RALGAPA1: variants seen among roughly 807,000 people sequenced by gnomAD.
The protein encoded by RALGAPA1 is ral GTPase-activating protein subunit alpha-1.
Under a neutral mutation model 269.6 loss-of-function variants are expected in RALGAPA1, and 52 were observed. The observed-to-expected ratio is 0.19, with a 90% CI of 0.15 to 0.24. The LOEUF is 0.24. Ranked by LOEUF, RALGAPA1 falls within the 10% of genes least tolerant of loss-of-function variation. The pLI is 1.00. For synonymous variants in RALGAPA1, 817 were observed against 1,008.3 expected (o/e 0.81, Z 3.60); for missense variants, 1,917 against 3,013.9 (o/e 0.64, Z 8.52).
At chr14:35,679,696 G>A (rs1046228568) in intron 21 of RALGAPA1, among the ~76,000 whole-genome samples, 2 of 151,048 alleles carry the variant, frequency 1.3e-5, no homozygotes, top group Non-Finnish European at 2.9e-5. Context: ...AGTCAAGGAC[G>A]ATCTACATTT....
chr14:35,742,569 G>A lies in RALGAPA1; in HGVS notation c.1252-4C>T. On this transcript the variant is annotated splice_region_variant and splice_polypyrimidine_tract_variant and intron_variant, in intron 10 of 41. Transcript: ENST00000680220. ...CACAAATTGGTAATAAAAATGCCTAGGGAAAAAAAGGAGAATCAAGATAAT... is the reference window on the plus strand; with the variant it reads ...CACAAATTGGTAATAAAAATGCCTAAGGAAAAAAAGGAGAATCAAGATAAT... The A allele has an allele frequency of 6.3e-7, 1 of 1,593,440 alleles. No homozygotes were observed.
chr14:35,713,901 G>A (rs1297357595), intron 16 of RALGAPA1, among the ~76,000 whole-genome samples: 1 of 152,114 alleles, frequency 6.6e-6, no homozygotes, highest in African/African-American at 2.4e-5. Flanking sequence ...TTCGAGACCA[G>A]CCTGGCCAAC....
At chr14:35,743,537 G>C (rs1050531040) in intron 10 of RALGAPA1, among the ~76,000 whole-genome samples, 4 of 151,772 alleles carry the variant, frequency 2.6e-5, no homozygotes, top group Non-Finnish European at 5.9e-5. Flanking sequence ...TATTATTTTA[G>C]GGACAGGGTC....
intron 15 of RALGAPA1, among the ~76,000 whole-genome samples, chr14:35,722,262 CAAAAGTATGA>C (rs2069490212): frequency 6.6e-6 from 1 of 152,100 alleles, no homozygotes; most frequent in Non-Finnish European, 1.5e-5. Flanking sequence ...ATACCCTGGA[CAAAAGTATGA>C]AATGTGACTT....
chr14:35,788,713 CATA>C (rs1290687899), intron 1 of RALGAPA1, among the ~76,000 whole-genome samples: 2 of 152,150 alleles, frequency 1.3e-5, no homozygotes, highest in African/African-American at 4.8e-5. Context: ...TACCCTCTGC[CATA>C]ATGTCATAAA....
At chr14:35,648,633 C>G (rs1211621677) in intron 31 of RALGAPA1, among the ~76,000 whole-genome samples, 1 of 151,826 alleles carries the variant, frequency 6.6e-6, no homozygotes, top group African/African-American at 2.4e-5. Flanking sequence ...AAAACCCCAT[C>G]TCTACTAAAA....
chr14:35,595,685 A>T lies in RALGAPA1; in HGVS notation c.7158T>A (p.Phe2386Leu). ...YFATSTVEVIFHVSTRMPSDS... is the reference protein window; with the variant it reads ...YFATSTVEVILHVSTRMPSDS... ...CAGAAGGCATTCTTGTTGACACGTG[A>T]AATATTACCTCTACTGTAGAGGTAG... The change falls in exon 37 of 42, where the codon TTT (phenylalanine) becomes TTA (leucine). Residue 2386 changes from phenylalanine (F) to leucine (L), a missense_variant. By Grantham distance (22) the Phe-to-Leu change is conservative (BLOSUM62 0). This residue lies in a region of RALGAPA1 where 132 missense variants were observed against 271.2 expected (regional missense o/e 0.49). Coordinates refer to ENST00000680220, the MANE Select transcript of RALGAPA1 (RefSeq NM_001346249.2). 1 of 1,612,732 alleles carries T rather than the reference A, an allele frequency of 6.2e-7. No homozygotes were observed. Among genetic ancestry groups the T allele is most frequent in the Non-Finnish European group, 8.5e-7 (1 of 1,179,162 alleles).
intron 37 of RALGAPA1, among the ~76,000 whole-genome samples, chr14:35,593,982 A>G (rs1394217056): frequency 6.6e-6 from 1 of 152,146 alleles, no homozygotes; most frequent in African/African-American, 2.4e-5. Context: ...AAATAAATCC[A>G]AACATATACA....
intron 17 of RALGAPA1, among the ~76,000 whole-genome samples, chr14:35,699,422 C>A (rs558020593): frequency 3.9e-5 from 6 of 152,070 alleles, no homozygotes; most frequent in African/African-American, 1.4e-4. Context: ...GTACAATTTT[C>A]AAAAATCATT....
At chr14:35,683,650 A>C (rs2065662616) in intron 21 of RALGAPA1, 159 bp downstream of exon 21, 1 of 582,806 alleles carries the variant, frequency 1.7e-6, no homozygotes, top group African/African-American at 1.9e-5. Flanking sequence ...CAGGTCAAGA[A>C]ACTAATGTCT....
chr14:35,800,279 C>A (rs947774397), intron 1 of RALGAPA1, among the ~76,000 whole-genome samples: 2 of 152,174 alleles, frequency 1.3e-5, no homozygotes, highest in Non-Finnish European at 2.9e-5. Flanking sequence ...CTACCAAGAG[C>A]AGAATATATA....
Position 35,688,757 on chromosome 14 carries a change from A to T in RALGAPA1, c.3654T>A (p.Leu1218=). ...KPGVYRPLDT[L]GTASVSSKTV... is the part of the protein sequence containing the mutation. ...TTTTGCTGCTTACTGATGCAGTACC[A>T]AGTGTATCTAGAGGTCTGTACACAC... Residue 1218 remains leucine (L), a synonymous_variant, in exon 18 of 42, where the codon CTT becomes CTA. Coordinates refer to ENST00000680220, the MANE Select transcript of RALGAPA1 (RefSeq NM_001346249.2). 1 of 1,457,050 alleles carries T rather than the reference A, an allele frequency of 6.9e-7. No individual in the cohort carries two copies. The highest frequency in any genetic ancestry group is 1.4e-5 in the South Asian group (1 of 69,596). 90.3% of individuals were successfully genotyped at this position (1,457,050 alleles called of 1,614,324 possible).
chr14:35,569,650 T>G (rs1420052740), intron 39 of RALGAPA1, among the ~76,000 whole-genome samples: 1 of 152,164 alleles, frequency 6.6e-6, no homozygotes, highest in African/African-American at 2.4e-5. Flanking sequence ...CTGATTATGT[T>G]GTTCCCTCTG....
At chr14:35,542,020 T>C in intron 41 of RALGAPA1, 10 of 1,256,540 alleles carry the variant, frequency 8.0e-6, no homozygotes, top group Non-Finnish European at 1.0e-5. Flanking sequence ...TCAAATGTTA[T>C]ACTTACCAAC....
intron 1 of RALGAPA1, among the ~76,000 whole-genome samples, chr14:35,795,897 T>C (rs1479040560): frequency 1.3e-5 from 2 of 151,534 alleles, no homozygotes; most frequent in African/African-American, 4.8e-5. Flanking sequence ...GGTAGGAGGA[T>C]TGCTTGAGCC....
chr14:35,771,000 C>A lies in RALGAPA1; in HGVS notation c.268-1G>T. 1.5e-6 allele frequency: 2 copies of A among 1,326,456 alleles called. No individual in the cohort carries two copies. The highest frequency in any genetic ancestry group is 1.4e-5 in the South Asian group (1 of 73,788). The allele number at this position is 1,326,456 out of a possible 1,614,324, so 82.2% of individuals were successfully genotyped here. A position where few individuals can be genotyped will look rare whatever the true frequency, so the allele number is the denominator to read the frequency against. ...TTTCTGGAAGAAGTTGTAAAATTTT[C>A]TAAAAATCAATATAAAGAGAAAAAA... On this transcript the variant is annotated splice_acceptor_variant, in intron 3 of 41. Coordinates refer to ENST00000680220, the MANE Select transcript of RALGAPA1 (RefSeq NM_001346249.2). LOFTEE classifies it high-confidence loss of function.
At chr14:35,654,914 C>T (rs2140049792) in intron 29 of RALGAPA1, among the ~76,000 whole-genome samples, 1 of 152,314 alleles carries the variant, frequency 6.6e-6, no homozygotes, top group East Asian at 1.9e-4. Flanking sequence ...GTCCACATTT[C>T]ACCCACACTT....
chr14:35,548,656 C>T (rs2054680299), intron 40 of RALGAPA1, 118 bp from the exon 41 acceptor site: 3 of 610,676 alleles, frequency 4.9e-6, no homozygotes, highest in Non-Finnish European at 2.8e-6. Flanking sequence ...AAATGCAGTA[C>T]CCTCTTACAC....
chr14:35,674,074 A>G, intron 24 of RALGAPA1, 106 bp downstream of exon 24: 1 of 794,368 alleles, frequency 1.3e-6, no homozygotes, highest in South Asian at 1.8e-5. Context: ...ATACTGGTTA[A>G]AAACTAAGTG....
Sources: gnomAD v4.1 joint callset for allele counts (sites outside exome capture counted in the v4.1 genomes callset) on GRCh38, gnomAD v4.1.1 for gene constraint, gnomAD v4.1.1 regional missense constraint, MANE v1.5 for transcripts, NCBI Gene and HGNC (gene_info 2026-07-23, HGNC 2026-07-21) for gene names.